RBKS: variants seen among roughly 807,000 people sequenced by gnomAD.
The protein encoded by RBKS is ribokinase.
RBKS carries 33 observed loss-of-function variants against 33.9 expected under a neutral mutation model. That is an observed-to-expected ratio of 0.97 (90% CI 0.74 to 1.30). The LOEUF is 1.30. Among genes scored for constraint, RBKS ranks in the 50% most tolerant of loss-of-function variants. The probability of loss-of-function intolerance (pLI) is 0.00; values close to 1 mark genes in which losing one functional copy is unlikely to be tolerated. For synonymous variants in RBKS, 125 were observed against 143.0 expected (o/e 0.87, Z 0.90); for missense variants, 361 against 392.6 (o/e 0.92, Z 0.68).
Position 27,795,821 on chromosome 2 carries a change from C to T in RBKS, c.796-14033G>A, listed in dbSNP as rs1315528501. On this transcript the variant is annotated intron_variant, in intron 7 of 7. Coordinates refer to ENST00000302188, the MANE Select transcript of RBKS (RefSeq NM_022128.3). The surrounding 1 kb of genome is among the most constrained non-coding windows in gnomAD (Gnocchi z 4.1). Reference sequence around the variant, plus strand: ...CCTCCCTTTTGACATCCTGTAATCCCTTTGTATTTCTCTTAGGACTCTGAG... The same window carrying T: ...CCTCCCTTTTGACATCCTGTAATCCTTTTGTATTTCTCTTAGGACTCTGAG... Among the ~76,000 whole-genome samples the T allele has an allele frequency of 2.6e-5, 4 of 152,218 alleles. No individual in the cohort carries two copies. Among genetic ancestry groups the T allele is most frequent in the Admixed American group, 2.0e-4 (3 of 15,272 alleles).
intron 6 of RBKS, among the ~76,000 whole-genome samples, chr2:27,831,390 G>T (rs1678411057): frequency 6.6e-6 from 1 of 152,128 alleles, no homozygotes; most frequent in South Asian, 2.1e-4. Context: ...TGCTCTTCAA[G>T]TATCTAGCAG....
intron 7 of RBKS, among the ~76,000 whole-genome samples, chr2:27,791,475 T>C (rs1677518857): frequency 6.6e-6 from 1 of 151,986 alleles, no homozygotes; most frequent in Non-Finnish European, 1.5e-5. Context: ...TTCTCCCCTC[T>C]CCCTCAGCAC....
intron 7 of RBKS, among the ~76,000 whole-genome samples, chr2:27,789,055 CAA>C (rs1418752131): frequency 6.6e-6 from 1 of 152,118 alleles, no homozygotes; most frequent in Non-Finnish European, 1.5e-5. Context: ...TGAAAAAGAA[CAA>C]AGTTTCCAGG....
intron 7 of RBKS, among the ~76,000 whole-genome samples, chr2:27,794,784 C>T (rs763225710): frequency 2.6e-5 from 4 of 151,936 alleles, no homozygotes; most frequent in African/African-American, 4.8e-5. Context: ...TCACCACGCC[C>T]GGCTAATTTT....
At chr2:27,849,990 G>T (rs1663706333) in intron 2 of RBKS, among the ~76,000 whole-genome samples, 1 of 152,116 alleles carries the variant, frequency 6.6e-6, no homozygotes, top group Non-Finnish European at 1.5e-5. Context: ...GGACACCCTT[G>T]TTATCTTCTC....
At chr2:27,850,747 G>A (rs76270296) in intron 2 of RBKS, among the ~76,000 whole-genome samples, 896 of 152,276 alleles carry the variant, frequency 5.9e-3, no homozygotes, top group Non-Finnish European at 8.4e-3. Flanking sequence ...TTCCAAGTTT[G>A]GGAAATTATG....
At chr2:27,790,794 G>T (rs1404100412) in intron 7 of RBKS, among the ~76,000 whole-genome samples, 6 of 152,210 alleles carry the variant, frequency 3.9e-5, no homozygotes, top group African/African-American at 1.4e-4. Context: ...TAAATGTGGA[G>T]ATACGAGAAG....
At chr2:27,828,566 C>T (rs1378342569) in intron 6 of RBKS, among the ~76,000 whole-genome samples, 1 of 152,118 alleles carries the variant, frequency 6.6e-6, no homozygotes, top group Non-Finnish European at 1.5e-5. Flanking sequence ...AACGCAATGC[C>T]CTGGCATTCA....
In RBKS at chr2:27,837,345, G is replaced by C. The variant is rs766459409; in HGVS notation, c.515-4568C>G. Among the ~76,000 whole-genome samples the C allele has an allele frequency of 6.6e-6, 1 of 150,714 alleles. No individual in the cohort carries two copies. Among genetic ancestry groups the C allele is most frequent in the Non-Finnish European group, 1.5e-5 (1 of 68,012 alleles). On this transcript the variant is annotated intron_variant, in intron 5 of 7. Transcript: ENST00000302188. The surrounding 1 kb of genome is among the most constrained non-coding windows in gnomAD (Gnocchi z 4.0). Reference sequence around the variant, plus strand: ...CACAACAGATGCTGGTGAGGCTGCAGAGAGAAGGAAACACTTATACACTGT... The same window carrying C: ...CACAACAGATGCTGGTGAGGCTGCACAGAGAAGGAAACACTTATACACTGT...
chr2:27,844,589 G>A (rs1391037576), intron 4 of RBKS, among the ~76,000 whole-genome samples: 1 of 151,866 alleles, frequency 6.6e-6, no homozygotes, highest in African/African-American at 2.4e-5. Flanking sequence ...TAGAGATGGG[G>A]TTTCACTATG....
At chr2:27,835,013 T>C (rs553991143) in intron 5 of RBKS, among the ~76,000 whole-genome samples, 5 of 152,302 alleles carry the variant, frequency 3.3e-5, no homozygotes, top group Admixed American at 2.0e-4. Flanking sequence ...TGGTGGCTCA[T>C]GCCTGTAATC....
In RBKS at chr2:27,827,578, C is replaced by T. The variant is rs1343407881; in HGVS notation, c.784G>A (p.Val262Met). The change falls in exon 7 of 8, where the codon GTG (valine) becomes ATG (methionine). Residue 262 changes from valine to methionine, a missense_variant. By Grantham distance (21) the Val-to-Met change is conservative. Coordinates refer to ENST00000302188, the MANE Select transcript of RBKS (RefSeq NM_022128.3). ...KHIPTEKVKA[V>M]DTTGAGDSFV... ...ATTTTAAAACTTACCGTGGTATCCA[C>T]AGCCTTGACTTTCTCTGTGGGAATG... 1 of 1,582,374 alleles carries T rather than the reference C, an allele frequency of 6.3e-7. No individual in the cohort carries two copies.
intron 1 of RBKS, among the ~76,000 whole-genome samples, chr2:27,874,990 A>T (rs1317990891): frequency 1.3e-5 from 2 of 152,198 alleles, no homozygotes; most frequent in Non-Finnish European, 2.9e-5. Flanking sequence ...TCTTGTTTAA[A>T]ATCTTAAGGA....
intron 7 of RBKS, among the ~76,000 whole-genome samples, chr2:27,786,474 AG>A (rs1677402363): frequency 6.6e-6 from 1 of 152,168 alleles, no homozygotes; most frequent in Non-Finnish European, 1.5e-5. Flanking sequence ...GCTGCAGACA[AG>A]GTTTTTTAGA....
chr2:27,857,199 A>C (rs1047497734), intron 2 of RBKS, among the ~76,000 whole-genome samples: 2 of 152,224 alleles, frequency 1.3e-5, no homozygotes, highest in Admixed American at 1.3e-4. Flanking sequence ...GGTAAAATCT[A>C]CATAGTTCAC....
At chr2:27,792,848 A>G (rs986850302) in intron 7 of RBKS, among the ~76,000 whole-genome samples, 2 of 152,048 alleles carry the variant, frequency 1.3e-5, no homozygotes, top group Admixed American at 6.5e-5. Flanking sequence ...CTCCTTTATG[A>G]TATCTTCCCA....
chr2:27,886,700 C>A (rs1664535282), intron 1 of RBKS, among the ~76,000 whole-genome samples: 1 of 151,544 alleles, frequency 6.6e-6, no homozygotes, highest in Non-Finnish European at 1.5e-5. Flanking sequence ...ATAGCGAGAG[C>A]CCATCTTTAA....
At position 27,781,696 on chromosome 2, in the gene RBKS, G is replaced by A; in HGVS notation, c.888C>T (p.Phe296=). Residue 296 remains phenylalanine, a synonymous_variant, in exon 8 of 8, where the codon TTC becomes TTT. Coordinates refer to ENST00000302188, the MANE Select transcript of RBKS (RefSeq NM_022128.3). Reference sequence around the variant, plus strand: ...CAGCCTGGACACTGACTGCTGCAATGAAATTGGATCTGTTGAGCATGTCTT... The same window carrying A: ...CAGCCTGGACACTGACTGCTGCAATAAAATTGGATCTGTTGAGCATGTCTT... ...SLEDMLNRSN[F]IAAVSVQAAG... 6.2e-7 allele frequency: 1 copy of A among 1,614,108 alleles called. No individual in the cohort carries two copies. Among genetic ancestry groups the A allele is most frequent in the Non-Finnish European group, 8.5e-7 (1 of 1,179,992 alleles).
intron 1 of RBKS, among the ~76,000 whole-genome samples, chr2:27,875,743 A>C (rs1403585560): frequency 1.3e-5 from 2 of 152,170 alleles, no homozygotes; most frequent in African/African-American, 2.4e-5. Context: ...TCTCTACGTA[A>C]CAGAGTATTA....
Sources: gnomAD v4.1 joint callset for allele counts (sites outside exome capture counted in the v4.1 genomes callset) on GRCh38, gnomAD v4.1.1 for gene constraint, Gnocchi (gnomAD v3.1) non-coding constraint, MANE v1.5 for transcripts, NCBI Gene and HGNC (gene_info 2026-07-23, HGNC 2026-07-21) for gene names.